The following GSK3B variants were observed in gnomAD, a reference collection of about 807,000 sequenced individuals.
GSK3B encodes the protein glycogen synthase kinase 3 beta.
A neutral mutation model predicts 56.4 loss-of-function variants in GSK3B; 15 were observed. That is an observed-to-expected ratio of 0.27 (90% CI 0.18 to 0.41). The LOEUF (loss-of-function observed/expected upper bound fraction) is 0.41, where lower values mean the gene tolerates loss of function less well. Ranked by LOEUF, GSK3B falls within the 10% of genes least tolerant of loss-of-function variation. The pLI is 1.00. For synonymous variants in GSK3B, 181 were observed against 188.9 expected (o/e 0.96, Z 0.34); for missense variants, 300 against 513.4 (o/e 0.58, Z 4.02).
rs1478415241 is a variant in GSK3B at position 119,821,591 on chromosome 3, TAAAAG to T, written c.*5192_*5196del. ...AGACCATTACTAATAGGATGAAAGT[TAAAAG>T]AAAATACAGCCACACCAAATCATGA... On this transcript the variant is annotated 3_prime_UTR_variant, in exon 11 of 11. Coordinates refer to ENST00000264235, the MANE Select transcript of GSK3B (RefSeq NM_001146156.2). 3.9e-5 allele frequency: 6 copies of T among 152,210 alleles called. No homozygotes were observed. Among genetic ancestry groups the T allele is most frequent in the African/African-American group, 1.2e-4 (5 of 41,454 alleles). 9.4% of individuals were successfully genotyped at this position (152,210 alleles called of 1,614,324 possible).
At chr3:119,845,816 T>C (rs2108014198) in intron 9 of GSK3B, among the ~76,000 whole-genome samples, 1 of 152,298 alleles carries the variant, frequency 6.6e-6, no homozygotes, top group South Asian at 2.1e-4. Context: ...AAAACTACTT[T>C]AAATTTCATA....
chr3:120,036,653 C>T (rs2058025426), intron 1 of GSK3B, among the ~76,000 whole-genome samples: 1 of 151,944 alleles, frequency 6.6e-6, no homozygotes, highest in Admixed American at 6.6e-5. Flanking sequence ...ATTAGGTGGG[C>T]ATGGTGGCGG....
intron 1 of GSK3B, among the ~76,000 whole-genome samples, chr3:120,071,409 G>GAAACCT (rs2058325348): frequency 6.6e-6 from 1 of 152,158 alleles, no homozygotes; most frequent in Non-Finnish European, 1.5e-5. Flanking sequence ...CCGCACAGCA[G>GAAACCT]GAGGTGAGCA....
chr3:120,024,949 T>C (rs994097790), intron 1 of GSK3B, among the ~76,000 whole-genome samples: 3 of 152,278 alleles, frequency 2.0e-5, no homozygotes, highest in African/African-American at 2.4e-5. Flanking sequence ...CCTGTTCACA[T>C]GAAACGTTCA....
chr3:119,940,408 T>C (rs1215530296), intron 3 of GSK3B, among the ~76,000 whole-genome samples: 1 of 152,008 alleles, frequency 6.6e-6, no homozygotes, highest in Non-Finnish European at 1.5e-5. Context: ...AATATAACCA[T>C]ATGCACACAT....
chr3:119,989,512 G>A (rs1311232262), intron 2 of GSK3B, among the ~76,000 whole-genome samples: 1 of 151,904 alleles, frequency 6.6e-6, no homozygotes, highest in Non-Finnish European at 1.5e-5. Context: ...GGGCGTACAG[G>A]CAGGCGCCTG....
chr3:120,077,596 G>A (rs919174010), intron 1 of GSK3B, among the ~76,000 whole-genome samples: 1 of 150,772 alleles, frequency 6.6e-6, no homozygotes, highest in African/African-American at 2.4e-5. Flanking sequence ...TAATAATAGT[G>A]TATTGTATCT....
chr3:119,826,492 T>C lies in GSK3B; in HGVS notation c.*296A>G, dbSNP rs911699500. The C allele has an allele frequency of 1.9e-6, 1 of 519,774 alleles. No individual in the cohort carries two copies. Among genetic ancestry groups the C allele is most frequent in the Non-Finnish European group, 3.5e-6 (1 of 288,350 alleles). The allele number at this position is 519,774 out of a possible 1,614,324, so 32.2% of individuals were successfully genotyped here. On this transcript the variant is annotated 3_prime_UTR_variant, in exon 11 of 11. Coordinates refer to ENST00000264235, the MANE Select transcript of GSK3B (RefSeq NM_001146156.2). ...AAAGTATACAACAGCAGACTTTTAATAAAAAAAGATTGTCGTGGGAGAGAG... is the reference window on the plus strand; with the variant it reads ...AAAGTATACAACAGCAGACTTTTAACAAAAAAAGATTGTCGTGGGAGAGAG...
chr3:119,896,009 T>G (rs1243278841), intron 7 of GSK3B, among the ~76,000 whole-genome samples: 1 of 151,674 alleles, frequency 6.6e-6, no homozygotes, highest in African/African-American at 2.4e-5. Flanking sequence ...GTGCCTGTAG[T>G]CCCAGATACT....
chr3:119,843,395 C>G (rs767800110), intron 9 of GSK3B, 42 bp from the exon 10 acceptor site: 2 of 1,076,978 alleles, frequency 1.9e-6, no homozygotes, highest in Non-Finnish European at 2.8e-6. Context: ...CCACTCTTAA[C>G]TTTGTATGCA....
At chr3:120,081,292 C>A (rs754130105) in intron 1 of GSK3B, among the ~76,000 whole-genome samples, 1 of 151,130 alleles carries the variant, frequency 6.6e-6, no homozygotes, top group East Asian at 1.9e-4. Context: ...CGGTGGCTCA[C>A]ACCTGTAATC....
chr3:120,076,581 C>A (rs900269327), intron 1 of GSK3B, among the ~76,000 whole-genome samples: 10 of 151,768 alleles, frequency 6.6e-5, no homozygotes, highest in Non-Finnish European at 1.3e-4. Context: ...TTTGGGAGGC[C>A]GAGACGGGCG....
At chr3:119,951,293 A>T (rs7649661) in intron 2 of GSK3B, among the ~76,000 whole-genome samples, 44,048 of 152,218 alleles carry the variant, frequency 0.29, 8,220 homozygotes, top group African/African-American at 0.54. Context: ...TGAAAGTGGC[A>T]GGGTGCAGTG....
intron 3 of GSK3B, among the ~76,000 whole-genome samples, chr3:119,935,851 CTT>C: frequency 1.3e-5 from 2 of 152,208 alleles, no homozygotes; most frequent in South Asian, 4.1e-4. Context: ...TGCAAAAACT[CTT>C]AACAAAGTAC....
intron 7 of GSK3B, among the ~76,000 whole-genome samples, chr3:119,889,601 A>C (rs2056478715): frequency 6.6e-6 from 1 of 152,130 alleles, no homozygotes; most frequent in Non-Finnish European, 1.5e-5. Context: ...CACTGATTTA[A>C]TCCATAGGTG....
intron 1 of GSK3B, among the ~76,000 whole-genome samples, chr3:120,013,076 A>T (rs1425967134): frequency 2.6e-5 from 4 of 152,162 alleles, no homozygotes; most frequent in Non-Finnish European, 5.9e-5. Context: ...TAAAAACAGG[A>T]TTGTACCTGT....
intron 3 of GSK3B, among the ~76,000 whole-genome samples, chr3:119,945,296 CT>C (rs2107489878): frequency 6.6e-6 from 1 of 152,122 alleles, no homozygotes; most frequent in Admixed American, 6.5e-5. Context: ...TAGGAGGTAT[CT>C]TTTTTTAAAA....
At chr3:120,071,988 AGAAAG>A (rs2058330197) in intron 1 of GSK3B, among the ~76,000 whole-genome samples, 1 of 152,372 alleles carries the variant, frequency 6.6e-6, no homozygotes, top group African/African-American at 2.4e-5. Context: ...GTTACAGAAT[AGAAAG>A]GAAAGGGAGA....
chr3:120,021,482 C>T (rs1050344778), intron 1 of GSK3B, among the ~76,000 whole-genome samples: 34 of 151,678 alleles, frequency 2.2e-4, no homozygotes, highest in Middle Eastern at 3.4e-3. Flanking sequence ...CGCCACGGCA[C>T]TCCAGCCTGG....
Sources: gnomAD v4.1 joint callset for allele counts (sites outside exome capture counted in the v4.1 genomes callset) on GRCh38, gnomAD v4.1.1 for gene constraint, MANE v1.5 for transcripts, NCBI Gene and HGNC (gene_info 2026-07-23, HGNC 2026-07-21) for gene names.